Variants in CUX2 observed in about 807,000 individuals in gnomAD.
CUX2 encodes cut like homeobox 2, also known as homeobox protein cut-like 2.
Under a neutral mutation model 144.8 loss-of-function variants are expected in CUX2, and 40 were observed. The observed-to-expected ratio is 0.28, with a 90% CI of 0.21 to 0.36. The LOEUF is 0.36. Among genes scored for constraint, CUX2 ranks in the 10% least tolerant of loss-of-function variants. CUX2 has a pLI of 1.00. For synonymous variants in CUX2, 827 were observed against 875.6 expected (o/e 0.94, Z 0.98); for missense variants, 1,615 against 1,994.0 (o/e 0.81, Z 3.62).
intron 3 of CUX2, among the ~76,000 whole-genome samples, chr12:111,238,929 C>G (rs1384006791): frequency 6.6e-6 from 1 of 152,212 alleles, no homozygotes; most frequent in East Asian, 1.9e-4. Context: ...CCTGTAGTCT[C>G]AGCTACTCGG....
At chr12:111,195,083 GC>G (rs1290209456) in intron 1 of CUX2, among the ~76,000 whole-genome samples, 2 of 152,292 alleles carry the variant, frequency 1.3e-5, no homozygotes, top group African/African-American at 2.4e-5. Context: ...GCCACAAACA[GC>G]CCCGTGGCCA....
intron 1 of CUX2, among the ~76,000 whole-genome samples, chr12:111,202,623 G>A (rs1326989236): frequency 5.9e-5 from 9 of 152,076 alleles, no homozygotes; most frequent in African/African-American, 1.9e-4. Flanking sequence ...GCCAAGCATC[G>A]GGACACAGCA....
intron 1 of CUX2, among the ~76,000 whole-genome samples, chr12:111,046,957 C>G (rs1870026509): frequency 6.6e-6 from 1 of 152,318 alleles, no homozygotes; most frequent in East Asian, 1.9e-4. Flanking sequence ...ACGCCCGGCC[C>G]CTTGCTGTTC....
rs767492228 is a variant in CUX2, at chr12:111,320,034, C to T, written c.2025C>T (p.Ala675=). ...CAGGCGAGCCCAAGACCTCGGTGGCCCCGCTGAGCATCGCCAACGGCACGA... is the reference window on the plus strand; with the variant it reads ...CAGGCGAGCCCAAGACCTCGGTGGCTCCGCTGAGCATCGCCAACGGCACGA... ...QKGGEPKTSV[A]PLSIANGTTP... is the part of the protein sequence containing the mutation. Residue 675 remains alanine (A), a synonymous_variant, in exon 17 of 22, where the codon GCC becomes GCT. Transcript: ENST00000261726. The surrounding 1 kb of genome is among the most constrained non-coding windows in gnomAD (Gnocchi z 8.1). 1.3e-6 allele frequency: 2 copies of T among 1,537,082 alleles called. No homozygotes were observed. Among genetic ancestry groups the T allele is most frequent in the Non-Finnish European group, 1.7e-6 (2 of 1,146,992 alleles).
chr12:111,301,126 A>G (rs934289827), intron 9 of CUX2, among the ~76,000 whole-genome samples: 8 of 152,136 alleles, frequency 5.3e-5, no homozygotes, highest in African/African-American at 1.9e-4. Flanking sequence ...ACTAAAACCC[A>G]CACATTATGG....
chr12:111,308,856 G>A (rs1475502432), intron 14 of CUX2, among the ~76,000 whole-genome samples: 1 of 152,116 alleles, frequency 6.6e-6, no homozygotes, highest in African/African-American at 2.4e-5. Context: ...CCCCACAGCC[G>A]ACCACTGTGG....
intron 1 of CUX2, among the ~76,000 whole-genome samples, chr12:111,050,049 C>T (rs1870186343): frequency 6.6e-6 from 1 of 152,150 alleles, no homozygotes; most frequent in East Asian, 1.9e-4. Flanking sequence ...GAAGGCAGGG[C>T]AGAGAAACCC....
At position 111,034,990 on chromosome 12, in the gene CUX2, C is replaced by T. The variant is rs535671794; in HGVS notation, c.63+750C>T. 2.6e-5 allele frequency among the ~76,000 whole-genome samples: 4 copies of T among 152,250 alleles called. No homozygotes were observed. In the East Asian group the frequency reaches 5.8e-4, roughly 22 times the overall value. ...TTTACCCCCCCGCCCCTTCCATCCC[C>T]TTCCCAAGTCTAGATGCAGACGGGC... is the stretch of plus-strand genomic sequence containing the variant. On this transcript the variant is annotated intron_variant, in intron 1 of 21. Coordinates refer to ENST00000261726, the MANE Select transcript of CUX2 (RefSeq NM_015267.4). The surrounding 1 kb of genome is among the most constrained non-coding windows in gnomAD (Gnocchi z 4.2).
At chr12:111,332,219 G>A (rs1038528307) in intron 18 of CUX2, among the ~76,000 whole-genome samples, 6 of 126,238 alleles carry the variant, frequency 4.8e-5, no homozygotes, top group Non-Finnish European at 6.4e-5. Context: ...TGCGAGCTCC[G>A]CCTCCCAGGT....
intron 1 of CUX2, among the ~76,000 whole-genome samples, chr12:111,138,231 C>A (rs938047218): frequency 1.3e-5 from 2 of 152,180 alleles, no homozygotes; most frequent in Non-Finnish European, 2.9e-5. Context: ...ATCTGGGAGT[C>A]GCTCACTTCA....
chr12:111,107,482 C>A (rs1429022771), intron 1 of CUX2, among the ~76,000 whole-genome samples: 1 of 152,258 alleles, frequency 6.6e-6, no homozygotes, highest in Non-Finnish European at 1.5e-5. Context: ...TCTGTTGCCT[C>A]AGGGAGTTCC....
intron 1 of CUX2, among the ~76,000 whole-genome samples, chr12:111,043,922 T>C (rs530351526): frequency 6.6e-5 from 10 of 152,120 alleles, no homozygotes; most frequent in Admixed American, 2.0e-4. Flanking sequence ...GGGAGCGTGA[T>C]AGGACCCGTG....
intron 3 of CUX2, among the ~76,000 whole-genome samples, chr12:111,256,502 A>C (rs1050650556): frequency 2.6e-5 from 4 of 151,936 alleles, no homozygotes; most frequent in African/African-American, 9.7e-5. Context: ...CATCTCTCAG[A>C]ATCACCCTAC....
Position 111,094,225 on chromosome 12 carries a change from C to CTGGCTT in CUX2, c.63+59985_63+59986insTGGCTT, listed in dbSNP as rs1473229004. ...AAGCAAAAATTATCCTGGCCATTCC[C>CTGGCTT]GTGGCAGAATCGATCACTCCAAGAG... On this transcript the variant is annotated intron_variant, in intron 1 of 21. Coordinates refer to ENST00000261726, the MANE Select transcript of CUX2 (RefSeq NM_015267.4). Among the ~76,000 whole-genome samples, 7 of 152,296 alleles carry CTGGCTT rather than the reference C, an allele frequency of 4.6e-5. No individual in the cohort carries two copies. In the South Asian group the frequency reaches 8.3e-4, roughly 18 times the overall value.
At chr12:111,041,468 G>A (rs1402790781) in intron 1 of CUX2, among the ~76,000 whole-genome samples, 1 of 152,190 alleles carries the variant, frequency 6.6e-6, no homozygotes, top group Non-Finnish European at 1.5e-5. Flanking sequence ...ATTATATGTA[G>A]TATATTTTGG....
intron 1 of CUX2, among the ~76,000 whole-genome samples, chr12:111,152,661 G>T (rs1191777208): frequency 1.3e-5 from 2 of 152,244 alleles, no homozygotes; most frequent in African/African-American, 4.8e-5. Flanking sequence ...GCCTGATTCT[G>T]CTGTGAAAGC....
intron 1 of CUX2, chr12:111,099,905 A>G (rs1287069075): frequency 2.2e-6 from 1 of 453,302 alleles, no homozygotes. Flanking sequence ...GTCTTTTAAA[A>G]TTAGAATGAA....
intron 3 of CUX2, among the ~76,000 whole-genome samples, chr12:111,240,876 G>A (rs1406255875): frequency 2.0e-5 from 3 of 152,176 alleles, no homozygotes. Flanking sequence ...TAATACCTCA[G>A]GGTCTAGAAA....
Position 111,320,791 on chromosome 12 carries a change from GC to G in CUX2, c.2766+21del, listed in dbSNP as rs1421382971. 1.3e-6 allele frequency: 2 copies of G among 1,492,290 alleles called. No homozygotes were observed. The highest frequency in any genetic ancestry group is 2.6e-5 in the East Asian group (1 of 38,596). 92.4% of individuals were successfully genotyped at this position (1,492,290 alleles called of 1,614,324 possible). ...CGGGGAGAAGGTGAGTGCAGGGCGG[GC>G]CCCCGGTGTCTGGGCTCTGGGAGAA... On this transcript the variant is annotated intron_variant, in intron 17 of 21. Transcript: ENST00000261726. This position sits in a 1 kb window ranked among gnomAD's most constrained non-coding sequence, Gnocchi z 8.1.
Sources: allele counts gnomAD v4.1 joint callset (sites outside exome capture counted in the v4.1 genomes callset), GRCh38; gene constraint gnomAD v4.1.1; non-coding constraint Gnocchi (gnomAD v3.1); transcripts MANE v1.5; gene names NCBI Gene and HGNC (gene_info 2026-07-23, HGNC 2026-07-21).